VIRMA: variants seen among roughly 807,000 people sequenced by gnomAD.
VIRMA encodes the protein vir like m6A methyltransferase associated.
VIRMA carries 65 observed loss-of-function variants against 182.4 expected under a neutral mutation model. The observed-to-expected ratio is 0.36, with a 90% CI of 0.29 to 0.44. VIRMA has a LOEUF of 0.44. Ranked by LOEUF, VIRMA falls within the 20% of genes least tolerant of loss-of-function variation. The pLI is 1.00. For missense variants in VIRMA, 1,752 were observed against 2,158.1 expected, an observed-to-expected ratio of 0.81 and a Z score of 3.73; for synonymous variants, 709 against 743.1, an observed-to-expected ratio of 0.95 and a Z score of 0.75.
At chr8:94,490,183 A>G in intron 22 of VIRMA, 101 bp from the exon 23 acceptor site, 7 of 1,346,402 alleles carry the variant, frequency 5.2e-6, no homozygotes, top group Non-Finnish European at 7.1e-6. Flanking sequence ...TGGAAAAGAA[A>G]CTGAAATTCT....
rs565836368 is a variant in VIRMA at position 94,527,360 on chromosome 8, T to A, written c.884A>T (p.Asp295Val). The change falls in exon 8 of 24, where the codon GAT becomes GTT. Residue 295 changes from aspartate (D) to valine (V), a missense_variant. Coordinates refer to ENST00000297591, the MANE Select transcript of VIRMA (RefSeq NM_015496.5). ...EGEEDEEGEG[D>V]DGYEQISSDE... ...ACTGGAAATTTGTTCATAACCATCA[T>A]CCCCTGAAAATTAGTATGAATAATA... The A allele has an allele frequency of 6.5e-7, 1 of 1,547,760 alleles. No individual in the cohort carries two copies. The highest frequency in any genetic ancestry group is 1.4e-5 in the African/African-American group (1 of 72,778).
intron 20 of VIRMA, among the ~76,000 whole-genome samples, chr8:94,493,852 G>A (rs567803451): frequency 6.6e-6 from 1 of 152,052 alleles, no homozygotes; most frequent in East Asian, 1.9e-4. Context: ...AAAATAATTC[G>A]CCTTACCACA....
rs745329286 is a variant in VIRMA, at chr8:94,526,883, C to A, written c.1361G>T (p.Arg454Leu). ...TAATTTGGTCCCAGCTTTGAGCTGT[C>A]GAACATTTAAGGCGATAGGTTGGCG... ...ALRQPIALNV[R>L]QLKAGTKLVS... Residue 454 changes from arginine (R) to leucine (L), a missense_variant, in exon 8 of 24, where the codon CGA becomes CTA. By Grantham distance (102) the Arg-to-Leu change is moderately radical. Around this residue, in one of 11 missense-constraint regions of VIRMA, gnomAD observed 401 missense variants for 455.1 expected, o/e 0.88. Coordinates refer to ENST00000297591, the MANE Select transcript of VIRMA (RefSeq NM_015496.5). The A allele has an allele frequency of 6.2e-7, 1 of 1,614,160 alleles. No individual in the cohort carries two copies. Among genetic ancestry groups the A allele is most frequent in the Admixed American group, 1.7e-5 (1 of 60,016 alleles).
chr8:94,532,471 G>A (rs1040494862), intron 5 of VIRMA, among the ~76,000 whole-genome samples: 2 of 152,214 alleles, frequency 1.3e-5, no homozygotes, highest in Non-Finnish European at 2.9e-5. Context: ...AAAACGCACA[G>A]AGTTACACAT....
chr8:94,516,049 A>G (rs1184322247), intron 10 of VIRMA, among the ~76,000 whole-genome samples: 3 of 151,586 alleles, frequency 2.0e-5, no homozygotes, highest in Admixed American at 1.3e-4. Context: ...AGGAAGTTGC[A>G]GTGAGCCGAG....
intron 2 of VIRMA, among the ~76,000 whole-genome samples, chr8:94,540,673 G>A (rs1261316991): frequency 1.3e-5 from 2 of 151,792 alleles, no homozygotes; most frequent in African/African-American, 4.8e-5. Context: ...TGTTGGCCAG[G>A]CTGGTCTCAA....
rs535708115 is a variant in VIRMA at position 94,521,256 on chromosome 8, C to A, written c.2022-1780G>T. Among the ~76,000 whole-genome samples the A allele has an allele frequency of 2.6e-5, 4 of 152,208 alleles. No homozygotes were observed. The South Asian group carries it at 8.3e-4, about 32-fold the overall frequency. ...GTGTGTGTTGCTGCCCTCTCTGTGT[C>A]CATGTGTTCTCACCGTTCAGCTCCC... On this transcript the variant is annotated intron_variant, in intron 8 of 23. Transcript: ENST00000297591.
chr8:94,496,639 G>C (rs538514597), intron 17 of VIRMA, 159 bp from the exon 18 acceptor site: 2 of 505,278 alleles, frequency 4.0e-6, no homozygotes, highest in East Asian at 3.2e-5. Flanking sequence ...TTAGATGAAA[G>C]GTGAAGTATG....
At chr8:94,509,627 C>T (rs781077139) in intron 15 of VIRMA, 61 bp downstream of exon 15, 1 of 370,476 alleles carries the variant, frequency 2.7e-6, no homozygotes, top group Non-Finnish European at 4.0e-6. Context: ...TGCTTAAATA[C>T]ACACACACAC....
intron 1 of VIRMA, among the ~76,000 whole-genome samples, chr8:94,549,390 C>T (rs531743059): frequency 3.3e-5 from 5 of 152,174 alleles, no homozygotes; most frequent in Non-Finnish European, 7.3e-5. Flanking sequence ...AAGCCATACC[C>T]TCACCTTCAA....
chr8:94,531,905 A>G (rs1369268769), intron 5 of VIRMA, among the ~76,000 whole-genome samples: 1 of 152,234 alleles, frequency 6.6e-6, no homozygotes, highest in Non-Finnish European at 1.5e-5. Context: ...CAAGGAAATT[A>G]TGCTGAATGA....
In VIRMA at chr8:94,511,942, A is replaced by G. The variant is rs954061808; in HGVS notation, c.2845+54T>C. ...TAATTAACTAAATATTTAATAAATG[A>G]TATTTATTCTAGGCTTAAGAATCGT... On this transcript the variant is annotated intron_variant, in intron 12 of 23. Transcript: ENST00000297591. The G allele has an allele frequency of 4.3e-6, 4 of 939,064 alleles. No individual in the cohort carries two copies. In the South Asian group the frequency reaches 8.6e-5, roughly 20 times the overall value. The allele number at this position is 939,064 out of a possible 1,614,324, so 58.2% of individuals were successfully genotyped here.
At chr8:94,494,132 T>C (rs553820974) in intron 20 of VIRMA, among the ~76,000 whole-genome samples, 2 of 152,296 alleles carry the variant, frequency 1.3e-5, no homozygotes, top group African/African-American at 4.8e-5. Context: ...ATAGAACTTA[T>C]GCAAAAGTGT....
chr8:94,501,474 G>C (rs2119460), intron 16 of VIRMA, among the ~76,000 whole-genome samples: 92,851 of 151,944 alleles, frequency 0.61, 28,691 homozygotes, highest in East Asian at 0.81. Flanking sequence ...ACTGTACTCC[G>C]ATTGCTCAAT....
In VIRMA at chr8:94,544,339, C is replaced by T. The variant is rs535364298; in HGVS notation, c.64-397G>A. 9.9e-5 allele frequency among the ~76,000 whole-genome samples: 15 copies of T among 152,232 alleles called. 1 individual carries two copies. In the East Asian group the frequency reaches 2.7e-3, roughly 27 times the overall value. ...CTGCAGCAGCACCCTGTAATCAAAA[C>T]ATTAATATTCTGCAGCCACACGTAT... is the stretch of plus-strand genomic sequence containing the variant. On this transcript the variant is annotated intron_variant, in intron 1 of 23. Coordinates refer to ENST00000297591, the MANE Select transcript of VIRMA (RefSeq NM_015496.5).
chr8:94,502,269 C>T (rs973554675), intron 16 of VIRMA, among the ~76,000 whole-genome samples: 11 of 151,808 alleles, frequency 7.2e-5, no homozygotes, highest in Non-Finnish European at 1.0e-4. Context: ...GCCCGGGAGG[C>T]GAAGGCTGCA....
intron 2 of VIRMA, among the ~76,000 whole-genome samples, chr8:94,539,580 G>A (rs1815466897): frequency 6.6e-6 from 1 of 152,138 alleles, no homozygotes; most frequent in East Asian, 1.9e-4. Flanking sequence ...AATGTCTAGA[G>A]TACTATCAAA....
At chr8:94,552,199 T>A (rs577277013) in intron 1 of VIRMA, among the ~76,000 whole-genome samples, 1 of 152,378 alleles carries the variant, frequency 6.6e-6, no homozygotes, top group East Asian at 1.9e-4. Context: ...TAAGAAATGC[T>A]AACTCAAAGT....
chr8:94,518,064 ACTGT>A lies in VIRMA; in HGVS notation c.2514-126_2514-123del, dbSNP rs1344336968. 41 of 634,652 alleles carry A rather than the reference ACTGT, an allele frequency of 6.5e-5. 1 individual carries two copies. The South Asian group carries it at 9.0e-4, about 14-fold the overall frequency. The allele number at this position is 634,652 out of a possible 1,614,324, so 39.3% of individuals were successfully genotyped here. A position where few individuals can be genotyped will look rare whatever the true frequency, so the allele number is the denominator to read the frequency against. Reference sequence around the variant, plus strand: ...GGACATTTACAATAAAACATGACTAACTGTCTGAAGACAAGAAATCAGATTTTAC... The same window carrying A: ...GGACATTTACAATAAAACATGACTAACTGAAGACAAGAAATCAGATTTTAC... On this transcript the variant is annotated intron_variant, in intron 9 of 23. Transcript: ENST00000297591.
Sources: gnomAD v4.1 joint callset for allele counts (sites outside exome capture counted in the v4.1 genomes callset) on GRCh38, gnomAD v4.1.1 for gene constraint, gnomAD v4.1.1 regional missense constraint, MANE v1.5 for transcripts, NCBI Gene and HGNC (gene_info 2026-07-23, HGNC 2026-07-21) for gene names.